ROBO1: variants seen among roughly 807,000 people sequenced by gnomAD.
ROBO1 encodes the protein roundabout homolog 1.
ROBO1 carries 149 observed loss-of-function variants against 195.9 expected under a neutral mutation model. The ratio of observed to expected loss-of-function variants is 0.76; its 90% CI spans 0.67 to 0.87. The LOEUF is 0.87. Ranked by LOEUF, ROBO1 falls within the 40% of genes least tolerant of loss-of-function variation. ROBO1 has a pLI of 0.00. For missense variants in ROBO1, 1,933 were observed against 2,068.3 expected (o/e 0.93, Z 1.27); for synonymous variants, 816 against 733.2 (o/e 1.11, Z -1.82).
chr3:79,234,213 GT>G (rs2082370080), intron 2 of ROBO1, among the ~76,000 whole-genome samples: 1 of 151,908 alleles, frequency 6.6e-6, no homozygotes, highest in South Asian at 2.1e-4. Context: ...TTAAATTTTT[GT>G]TTTTGTTGCA....
chr3:79,091,010 T>C (rs2079470741), intron 3 of ROBO1, among the ~76,000 whole-genome samples: 1 of 152,130 alleles, frequency 6.6e-6, no homozygotes, highest in South Asian at 2.1e-4. Flanking sequence ...AAGAGTGCGT[T>C]CTCTTTTATG....
chr3:78,662,921 AC>A (rs1024422934), intron 14 of ROBO1, among the ~76,000 whole-genome samples: 2 of 152,154 alleles, frequency 1.3e-5, no homozygotes, highest in African/African-American at 2.4e-5. Context: ...ACTCAAAAAA[AC>A]ATTTGCCCAT....
At chr3:78,944,525 T>C (rs1357286275) in intron 3 of ROBO1, among the ~76,000 whole-genome samples, 3 of 152,024 alleles carry the variant, frequency 2.0e-5, no homozygotes, top group Non-Finnish European at 4.4e-5. Flanking sequence ...AAAATAAATG[T>C]GGAGGGAGGA....
At chr3:79,338,545 C>T (rs777396695) in intron 2 of ROBO1, among the ~76,000 whole-genome samples, 6 of 152,126 alleles carry the variant, frequency 3.9e-5, no homozygotes, top group South Asian at 2.1e-4. Flanking sequence ...AATGGACATG[C>T]TGAGGACTTT....
chr3:78,948,781 A>G (rs2040602552), intron 3 of ROBO1, among the ~76,000 whole-genome samples: 1 of 152,172 alleles, frequency 6.6e-6, no homozygotes, highest in Admixed American at 6.5e-5. Flanking sequence ...TCTCAGCCCA[A>G]AATCTCAAGC....
chr3:79,413,161 C>T (rs2037852305), intron 2 of ROBO1, among the ~76,000 whole-genome samples: 1 of 151,692 alleles, frequency 6.6e-6, no homozygotes, highest in Non-Finnish European at 1.5e-5. Flanking sequence ...ATTCTACAAC[C>T]TGAGCTATTT....
intron 4 of ROBO1, among the ~76,000 whole-genome samples, chr3:78,911,783 T>C (rs2038257574): frequency 6.6e-6 from 1 of 152,012 alleles, no homozygotes; most frequent in Non-Finnish European, 1.5e-5. Flanking sequence ...AACTACAGTT[T>C]TCAATATACA....
intron 10 of ROBO1, among the ~76,000 whole-genome samples, chr3:78,673,475 T>A (rs1708183481): frequency 7.1e-6 from 1 of 141,194 alleles, no homozygotes; most frequent in East Asian, 2.0e-4. Flanking sequence ...GTTATAAAAA[T>A]ATATATATAA....
intron 2 of ROBO1, among the ~76,000 whole-genome samples, chr3:79,288,666 G>A (rs577224693): frequency 3.0e-4 from 45 of 152,224 alleles, no homozygotes; most frequent in African/African-American, 1.1e-3. Context: ...TATTGGACCC[G>A]CTTCCTTTAG....
At chr3:78,701,649 A>G (rs1303717963) in intron 8 of ROBO1, among the ~76,000 whole-genome samples, 1 of 152,208 alleles carries the variant, frequency 6.6e-6, no homozygotes, top group African/African-American at 2.4e-5. Context: ...TCTCTTCACT[A>G]ATGACCTAAA....
chr3:78,700,841 G>A (rs2081403082), intron 8 of ROBO1, among the ~76,000 whole-genome samples: 1 of 149,766 alleles, frequency 6.7e-6, no homozygotes, highest in African/African-American at 2.5e-5. Flanking sequence ...CCAGCTCACT[G>A]CAACCTCCAC....
At chr3:79,283,243 T>C (rs144376587) in intron 2 of ROBO1, among the ~76,000 whole-genome samples, 75 of 152,282 alleles carry the variant, frequency 4.9e-4, no homozygotes, top group African/African-American at 1.5e-3. Context: ...GAGGAGGGCA[T>C]AGGCTGAAAA....
Position 79,336,656 on chromosome 3 carries a change from C to T in ROBO1, c.89-211117G>A, listed in dbSNP as rs192822258. Among the ~76,000 whole-genome samples, 124 of 152,298 alleles carry T rather than the reference C, an allele frequency of 8.1e-4. 1 individual carries two copies. The highest frequency in any genetic ancestry group is 3.4e-3 in the Middle Eastern group (1 of 294). On this transcript the variant is annotated intron_variant, in intron 2 of 30. Transcript: ENST00000464233. ...AGAAGGGAAATGTGGAGTTGGAACC[C>T]CCACAGAAAGTCCCCACTGGGCCAT...
chr3:79,542,503 A>C (rs765020590), intron 2 of ROBO1, among the ~76,000 whole-genome samples: 2 of 152,092 alleles, frequency 1.3e-5, no homozygotes, highest in East Asian at 1.9e-4. Flanking sequence ...AAAGAAACTC[A>C]AGCTTCAGCT....
chr3:78,634,842 A>G (rs1310283372), intron 23 of ROBO1, among the ~76,000 whole-genome samples: 1 of 152,178 alleles, frequency 6.6e-6, no homozygotes. Flanking sequence ...ACATAATATT[A>G]ACTTAAATGA....
chr3:79,422,218 A>G (rs2038256630), intron 2 of ROBO1, among the ~76,000 whole-genome samples: 1 of 148,974 alleles, frequency 6.7e-6, no homozygotes, highest in South Asian at 2.1e-4. Flanking sequence ...TATATATTTT[A>G]TGTATCATTA....
In ROBO1 at chr3:79,424,258, C is replaced by T. The variant is rs552287202; in HGVS notation, c.88+165566G>A. Among the ~76,000 whole-genome samples, 7 of 152,174 alleles carry T rather than the reference C, an allele frequency of 4.6e-5. No homozygotes were observed. In the South Asian group the frequency reaches 1.5e-3, roughly 32 times the overall value. On this transcript the variant is annotated intron_variant, in intron 2 of 30. Coordinates refer to ENST00000464233, the MANE Select transcript of ROBO1 (RefSeq NM_002941.4). ...GCACTCAGCTCTGATCTAGATTATT[C>T]AGGGGATTTCCCTCAAATTAACCAT... is the stretch of plus-strand genomic sequence containing the variant.
intron 4 of ROBO1, among the ~76,000 whole-genome samples, chr3:78,883,919 C>A (rs964458873): frequency 3.3e-5 from 5 of 152,120 alleles, no homozygotes; most frequent in African/African-American, 4.8e-5. Flanking sequence ...CAATGTTTCA[C>A]TGCAAAGCTA....
intron 4 of ROBO1, among the ~76,000 whole-genome samples, chr3:78,819,006 G>GA (rs1005532959): frequency 2.0e-5 from 3 of 152,042 alleles, no homozygotes; most frequent in Non-Finnish European, 2.9e-5. Context: ...GTATATACAG[G>GA]AAAAAACATA....
Sources: gnomAD v4.1 joint callset for allele counts (sites outside exome capture counted in the v4.1 genomes callset) on GRCh38, gnomAD v4.1.1 for gene constraint, MANE v1.5 for transcripts, NCBI Gene and HGNC (gene_info 2026-07-23, HGNC 2026-07-21) for gene names.